NEMF: variants seen among roughly 807,000 people sequenced by gnomAD.
NEMF encodes ribosome quality control complex subunit NEMF.
In NEMF, 89 loss-of-function variants were observed where a neutral mutation model predicts 162.2. The observed-to-expected ratio is 0.55, with a 90% CI of 0.46 to 0.65. NEMF has a LOEUF of 0.65. Among genes scored for constraint, NEMF ranks in the 30% least tolerant of loss-of-function variants. The pLI, the probability that NEMF is intolerant of heterozygous loss-of-function variation, is 0.00. For missense variants in NEMF, 1,133 were observed against 1,261.9 expected, an observed-to-expected ratio of 0.90 and a Z score of 1.55; for synonymous variants, 421 against 404.5, an observed-to-expected ratio of 1.04 and a Z score of -0.49.
intron 1 of NEMF, 57 bp from the exon 2 acceptor site, chr14:49,851,932 A>G: frequency 9.5e-7 from 1 of 1,056,812 alleles, no homozygotes; most frequent in Non-Finnish European, 1.4e-6. Flanking sequence ...ACATAAAACT[A>G]CACATAATTT....
intron 18 of NEMF, among the ~76,000 whole-genome samples, chr14:49,807,096 T>C (rs1256504042): frequency 1.3e-5 from 2 of 152,352 alleles, no homozygotes; most frequent in East Asian, 1.9e-4. Flanking sequence ...TCTGTCTCTA[T>C]GGTTTTGCCT....
intron 5 of NEMF, among the ~76,000 whole-genome samples, chr14:49,840,007 A>G (rs1286894278): frequency 1.3e-5 from 2 of 152,242 alleles, no homozygotes; most frequent in African/African-American, 4.8e-5. Flanking sequence ...AAAAAATTTA[A>G]AAATTAGCCA....
chr14:49,843,203 T>G (rs1207959855), intron 4 of NEMF, among the ~76,000 whole-genome samples: 1 of 151,638 alleles, frequency 6.6e-6, no homozygotes, highest in African/African-American at 2.4e-5. Flanking sequence ...CATTATATAT[T>G]GAATAAAAGA....
intron 7 of NEMF, 105 bp from the exon 8 acceptor site, chr14:49,833,601 T>C (rs186672162): frequency 2.3e-4 from 141 of 621,760 alleles, no homozygotes; most frequent in African/African-American, 2.0e-3. Context: ...CAAAATAATG[T>C]TGCGTTCAAG....
At chr14:49,819,388 A>C (rs1299378294) in intron 16 of NEMF, among the ~76,000 whole-genome samples, 1 of 94,282 alleles carries the variant, frequency 1.1e-5, no homozygotes, top group Non-Finnish European at 2.0e-5. Flanking sequence ...AACATATTAT[A>C]GACCATATAT....
rs1383567543 is a variant in NEMF at position 49,829,158 on chromosome 14, T to C, written c.1128A>G (p.Thr376=). The change falls in exon 13 of 33, where the codon ACA becomes ACG. Residue 376 remains threonine, a synonymous_variant. Transcript: ENST00000298310. The part of the protein sequence containing the change: ...RSALANQIDW[T]EIGLIVKEAQ... Reference sequence around the variant, plus strand: ...CTTCTTTCACAATTAACCCAATTTCTGTCCAATCTATCTGGTTAGCTAAAG... The same window carrying C: ...CTTCTTTCACAATTAACCCAATTTCCGTCCAATCTATCTGGTTAGCTAAAG... 1 of 1,614,206 alleles carries C rather than the reference T, an allele frequency of 6.2e-7. No homozygotes were observed. The highest frequency in any genetic ancestry group is 1.7e-5 in the Admixed American group (1 of 60,028).
rs149244675 is a variant in NEMF, at chr14:49,810,185, G to A, written c.1744+3803C>T. ...AGATCAAGACCATCCTGGCTAACAC[G>A]GTGAAAACTCGTCTCTACTAAAAAT... On this transcript the variant is annotated intron_variant, in intron 18 of 32. Coordinates refer to ENST00000298310, the MANE Select transcript of NEMF (RefSeq NM_004713.6). Among the ~76,000 whole-genome samples the A allele has an allele frequency of 3.5e-3, 527 of 151,770 alleles. 1 individual carries two copies. The highest frequency in any genetic ancestry group is 0.012 in the African/African-American group (495 of 41,354).
At chr14:49,815,820 C>T (rs942514281) in intron 16 of NEMF, among the ~76,000 whole-genome samples, 9 of 151,928 alleles carry the variant, frequency 5.9e-5, no homozygotes, top group South Asian at 4.2e-4. Context: ...AAAAATTAGC[C>T]GGGTGTGGTG....
intron 18 of NEMF, among the ~76,000 whole-genome samples, chr14:49,812,030 C>A (rs571834879): frequency 6.6e-6 from 1 of 152,246 alleles, no homozygotes; most frequent in Admixed American, 6.5e-5. Context: ...GTGAAGCCAT[C>A]TGGCCTAGGG....
At chr14:49,834,079 TGGTGATAC>T in intron 7 of NEMF, 1 of 511,000 alleles carries the variant, frequency 2.0e-6, no homozygotes, top group Non-Finnish European at 3.7e-6. Context: ...TTTTTGAGAG[TGGTGATAC>T]TTGTTTTTGT....
chr14:49,848,034 A>G (rs1893595708), intron 3 of NEMF, among the ~76,000 whole-genome samples: 1 of 149,808 alleles, frequency 6.7e-6, no homozygotes. Flanking sequence ...TCTGTCTCAA[A>G]AAAAAAAAAA....
At chr14:49,842,740 C>A (rs1313683039) in intron 4 of NEMF, among the ~76,000 whole-genome samples, 1 of 152,204 alleles carries the variant, frequency 6.6e-6, no homozygotes, top group Non-Finnish European at 1.5e-5. Flanking sequence ...GGCGCAGTGG[C>A]TCACGCCTGT....
intron 15 of NEMF, 52 bp from the exon 16 acceptor site, chr14:49,826,007 A>G (rs762477028): frequency 4.0e-6 from 5 of 1,260,428 alleles, no homozygotes; most frequent in Middle Eastern, 2.2e-4. Context: ...GTATTTAAAT[A>G]ACACCAAAGT....
chr14:49,789,600 A>C (rs1890347473), intron 26 of NEMF, 27 bp from the exon 27 acceptor site: 2 of 1,594,316 alleles, frequency 1.3e-6, no homozygotes, highest in African/African-American at 2.7e-5. Flanking sequence ...TTTTGGTTGG[A>C]AATATTCAGC....
At chr14:49,838,837 G>A (rs1306223223) in intron 5 of NEMF, among the ~76,000 whole-genome samples, 2 of 151,976 alleles carry the variant, frequency 1.3e-5, no homozygotes, top group Admixed American at 6.6e-5. Flanking sequence ...GCCCACCTTG[G>A]CCTCCCAAAG....
At chr14:49,791,195 T>C (rs1029970805) in intron 26 of NEMF, among the ~76,000 whole-genome samples, 4 of 149,712 alleles carry the variant, frequency 2.7e-5, no homozygotes, top group Non-Finnish European at 5.9e-5. Context: ...ATTAGCTGGG[T>C]GTGGTGGCGT....
intron 16 of NEMF, 34 bp from the exon 17 acceptor site, chr14:49,814,891 T>C (rs1891646710): frequency 8.1e-7 from 1 of 1,229,092 alleles, no homozygotes; most frequent in South Asian, 1.3e-5. Context: ...TTAACTTTTC[T>C]TTATAGCTGC....
intron 29 of NEMF, 126 bp from the exon 30 acceptor site, chr14:49,785,446 G>A: frequency 1.5e-6 from 1 of 669,932 alleles, no homozygotes; most frequent in Admixed American, 2.3e-5. Flanking sequence ...ATCTAAGCTG[G>A]AACAGTGGTA....
chr14:49,832,965 C>G (rs770647883), intron 8 of NEMF, among the ~76,000 whole-genome samples: 9 of 152,136 alleles, frequency 5.9e-5, no homozygotes, highest in Non-Finnish European at 1.2e-4. Context: ...CCAACAAAAA[C>G]TTTTAAAACA....
Sources: allele counts gnomAD v4.1 joint callset (sites outside exome capture counted in the v4.1 genomes callset), GRCh38; gene constraint gnomAD v4.1.1; transcripts MANE v1.5; gene names NCBI Gene and HGNC (gene_info 2026-07-23, HGNC 2026-07-21).